COL5A1: variants seen among roughly 807,000 people sequenced by gnomAD.
COL5A1 encodes collagen type V alpha 1 chain.
In COL5A1, 16 loss-of-function variants were observed where a neutral mutation model predicts 263.7. That is an observed-to-expected ratio of 0.06 (90% CI 0.04 to 0.09). The LOEUF is 0.09. Among genes scored for constraint, COL5A1 ranks in the 10% least tolerant of loss-of-function variants. The pLI, the probability that COL5A1 is intolerant of heterozygous loss-of-function variation, is 1.00. For synonymous variants in COL5A1, 1,012 were observed against 1,004.5 expected, an observed-to-expected ratio of 1.01 and a Z score of -0.14; for missense variants, 2,036 against 2,540.5, an observed-to-expected ratio of 0.80 and a Z score of 4.27.
chr9:134,833,505 A>G (rs1291860014), intron 64 of COL5A1, among the ~76,000 whole-genome samples: 1 of 152,170 alleles, frequency 6.6e-6, no homozygotes, highest in Non-Finnish European at 1.5e-5. Context: ...GGGCAGGCAG[A>G]TGGAGCCACT....
At chr9:134,799,843 T>A (rs1838044350) in intron 37 of COL5A1, among the ~76,000 whole-genome samples, 1 of 152,238 alleles carries the variant, frequency 6.6e-6, no homozygotes, top group Non-Finnish European at 1.5e-5. Flanking sequence ...AGGTTTTACA[T>A]ATTATGTGCT....
chr9:134,690,221 G>A (rs72772543), intron 1 of COL5A1, among the ~76,000 whole-genome samples: 1 of 152,116 alleles, frequency 6.6e-6, no homozygotes, highest in South Asian at 2.1e-4. Context: ...ATGGTCTGGC[G>A]ATGTGGGCAG....
chr9:134,704,821 G>T (rs533806470), intron 4 of COL5A1, among the ~76,000 whole-genome samples: 51 of 151,768 alleles, frequency 3.4e-4, no homozygotes, highest in Middle Eastern at 6.8e-3. Context: ...AACAGTGTGA[G>T]GAGGAAGTTC....
At chr9:134,787,853 T>C (rs959785013) in intron 31 of COL5A1, among the ~76,000 whole-genome samples, 1 of 152,166 alleles carries the variant, frequency 6.6e-6, no homozygotes, top group African/African-American at 2.4e-5. Context: ...CACCCTCCTA[T>C]GGATATGGGC....
intron 2 of COL5A1, among the ~76,000 whole-genome samples, chr9:134,695,143 C>T (rs1426787897): frequency 6.6e-6 from 1 of 152,150 alleles, no homozygotes; most frequent in South Asian, 2.1e-4. Context: ...TCTATTTTGT[C>T]CTCTGTAGGT....
At chr9:134,670,957 G>A (rs944561496) in intron 1 of COL5A1, among the ~76,000 whole-genome samples, 5 of 152,214 alleles carry the variant, frequency 3.3e-5, no homozygotes, top group Admixed American at 1.3e-4. Flanking sequence ...CACAAGGCCG[G>A]GAGGGAGCTG....
At chr9:134,760,372 C>A (rs192621839) in intron 18 of COL5A1, among the ~76,000 whole-genome samples, 1 of 81,516 alleles carries the variant, frequency 1.2e-5, no homozygotes, top group East Asian at 5.2e-4. Flanking sequence ...TACACACACA[C>A]CACACATGCA....
rs374405765 is a variant in COL5A1, at chr9:134,734,136, C to T, written c.1389+2009C>T. ...GGGGGTTGGGAGTGTGGGGTGGGCA[C>T]AGGTTTTCCACTGCCAGGCACCCGG... On this transcript the variant is annotated intron_variant, in intron 9 of 65. Coordinates refer to ENST00000371817, the MANE Select transcript of COL5A1 (RefSeq NM_000093.5). 3.3e-5 allele frequency among the ~76,000 whole-genome samples: 5 copies of T among 152,158 alleles called. No homozygotes were observed. In the East Asian group the frequency reaches 5.8e-4, roughly 18 times the overall value.
chr9:134,678,919 G>T lies in COL5A1; in HGVS notation c.110-11993G>T, dbSNP rs1479007675. Among the ~76,000 whole-genome samples the T allele has an allele frequency of 6.6e-6, 1 of 152,236 alleles. No individual in the cohort carries two copies. The highest frequency in any genetic ancestry group is 1.5e-5 in the Non-Finnish European group (1 of 68,042). ...ACCCCCTGCTGGGGGGCAGGCGTTA[G>T]ATCTGTGCAGGGTGAGGCTCCGAGG... On this transcript the variant is annotated intron_variant, in intron 1 of 65. Coordinates refer to ENST00000371817, the MANE Select transcript of COL5A1 (RefSeq NM_000093.5). This position sits in a 1 kb window ranked among gnomAD's most constrained non-coding sequence, Gnocchi z 5.5.
intron 1 of COL5A1, among the ~76,000 whole-genome samples, chr9:134,664,544 C>T (rs1308072697): frequency 1.3e-5 from 2 of 152,152 alleles, no homozygotes; most frequent in African/African-American, 4.8e-5. Context: ...GGCAAGTTCT[C>T]AGGAAGGAAA....
chr9:134,810,767 T>C (rs1291566662), intron 44 of COL5A1, among the ~76,000 whole-genome samples: 3 of 152,180 alleles, frequency 2.0e-5, no homozygotes, highest in Non-Finnish European at 2.9e-5. Flanking sequence ...ATGAGTGACA[T>C]GTCTTCTTAT....
chr9:134,707,499 A>G (rs1317805806), intron 4 of COL5A1, among the ~76,000 whole-genome samples: 3 of 149,688 alleles, frequency 2.0e-5, no homozygotes, highest in Non-Finnish European at 4.5e-5. Context: ...GCCTGTGCTG[A>G]GTGGGCCTTT....
chr9:134,763,804 G>T, intron 20 of COL5A1, 67 bp downstream of exon 20: 1 of 1,480,542 alleles, frequency 6.8e-7, no homozygotes, highest in South Asian at 1.1e-5. Flanking sequence ...CAAGGCTCCT[G>T]CTGGAGCAGG....
Position 134,811,343 on chromosome 9 carries a change from C to G in COL5A1, c.3533C>G (p.Pro1178Arg). ...TCTCTGTCTTGTTCCCCGCAGGGTC[C>G]TCCTGGGCCTACAGGTCCTCAAGGC... is the stretch of plus-strand genomic sequence containing the variant. The part of the protein sequence containing the change: ...GSKGDKGEQG[P>R]PGPTGPQGPI... The change falls in exon 45 of 66, where the codon CCT (proline) becomes CGT (arginine). Residue 1178 changes from proline to arginine, a missense_variant. Physicochemically the swap from Pro to Arg is moderately radical, Grantham distance 103. Coordinates refer to ENST00000371817, the MANE Select transcript of COL5A1 (RefSeq NM_000093.5). The G allele has an allele frequency of 6.2e-7, 1 of 1,614,148 alleles. No homozygotes were observed. The highest frequency in any genetic ancestry group is 8.5e-7 in the Non-Finnish European group (1 of 1,179,998).
intron 32 of COL5A1, among the ~76,000 whole-genome samples, chr9:134,792,881 A>ACGTGTGTGTGCGCGCGTGTGTGCACGCG: frequency 6.6e-5 from 2 of 30,468 alleles, no homozygotes; most frequent in Non-Finnish European, 1.5e-4. Context: ...GTTTGTGCAC[A>ACGTGTGTGTGCGCGCGTGTGTGCACGCG]CGTGTGTGTG....
intron 31 of COL5A1, among the ~76,000 whole-genome samples, chr9:134,786,852 C>T (rs1002743116): frequency 2.0e-5 from 3 of 152,220 alleles, no homozygotes; most frequent in Admixed American, 2.0e-4. Context: ...AGCCTCAGCA[C>T]CTTTTCGGTC....
rs181781850 is a variant in COL5A1 at position 134,817,498 on chromosome 9, G to A, written c.4177-280G>A. ...ACGGAGGCCACACACAACTCGCGGCGTGCACTGCGCCTCCCCACGTGGCCT... is the reference window on the plus strand; with the variant it reads ...ACGGAGGCCACACACAACTCGCGGCATGCACTGCGCCTCCCCACGTGGCCT... On this transcript the variant is annotated intron_variant, in intron 53 of 65. Transcript: ENST00000371817. 2.3e-3 allele frequency among the ~76,000 whole-genome samples: 350 copies of A among 152,294 alleles called. 3 individuals carry two copies. Among genetic ancestry groups the A allele is most frequent in the African/African-American group, 8.1e-3 (335 of 41,560 alleles).
Position 134,835,078 on chromosome 9 carries a change from G to A in COL5A1, c.5244G>A (p.Gln1748=). 2.5e-6 allele frequency: 4 copies of A among 1,613,626 alleles called. No individual in the cohort carries two copies. Among genetic ancestry groups the A allele is most frequent in the Non-Finnish European group, 3.4e-6 (4 of 1,180,022 alleles). ...AGAACGTCACCTACCACTGCTACCAGTCAGTGGCCTGGCAGGACGCAGCCA... is the reference window on the plus strand; with the variant it reads ...AGAACGTCACCTACCACTGCTACCAATCAGTGGCCTGGCAGGACGCAGCCA... ...AHQNVTYHCY[Q]SVAWQDAATG... is the part of the protein sequence containing the mutation. The change falls in exon 65 of 66, where the codon CAG becomes CAA. Residue 1748 remains glutamine, a synonymous_variant. Transcript: ENST00000371817.
intron 27 of COL5A1, among the ~76,000 whole-genome samples, chr9:134,776,266 G>A (rs1348728731): frequency 6.6e-6 from 1 of 152,200 alleles, no homozygotes; most frequent in Non-Finnish European, 1.5e-5. Context: ...GATTATGTGA[G>A]TTCTATAGCA....
Sources: allele counts gnomAD v4.1 joint callset (sites outside exome capture counted in the v4.1 genomes callset), GRCh38; gene constraint gnomAD v4.1.1; non-coding constraint Gnocchi (gnomAD v3.1); transcripts MANE v1.5; gene names NCBI Gene and HGNC (gene_info 2026-07-23, HGNC 2026-07-21).